The following CA12 variants were observed in gnomAD, a reference collection of about 807,000 sequenced individuals.
The protein encoded by CA12 is carbonic anhydrase 12.
A neutral mutation model predicts 46.8 loss-of-function variants in CA12; 36 were observed. That is an observed-to-expected ratio of 0.77 (90% CI 0.59 to 1.02). The LOEUF is 1.02. Ranked by LOEUF, CA12 falls within the 50% of genes least tolerant of loss-of-function variation. CA12 has a pLI of 0.00. For missense variants in CA12, 436 were observed against 451.4 expected (o/e 0.97, Z 0.31); for synonymous variants, 202 against 187.0 (o/e 1.08, Z -0.65).
At chr15:63,362,737 C>G (rs780690757) in intron 2 of CA12, among the ~76,000 whole-genome samples, 26 of 152,224 alleles carry the variant, frequency 1.7e-4, no homozygotes, top group Non-Finnish European at 2.9e-4. Context: ...TTTCTGATAT[C>G]TTACCTATAG....
intron 2 of CA12, chr15:63,375,339 C>G (rs2039557051): frequency 3.4e-6 from 1 of 296,602 alleles, no homozygotes; most frequent in East Asian, 7.2e-5. Flanking sequence ...TGCCCAGGAC[C>G]CTTGCAGTCC....
chr15:63,380,109 A>T (rs181611395), intron 1 of CA12, among the ~76,000 whole-genome samples: 12 of 152,270 alleles, frequency 7.9e-5, no homozygotes, highest in African/African-American at 2.6e-4. Context: ...GCAGTTAAAA[A>T]CCCAAGGAAA....
At chr15:63,350,016 T>G (rs1238276766) in intron 2 of CA12, among the ~76,000 whole-genome samples, 1 of 152,196 alleles carries the variant, frequency 6.6e-6, no homozygotes, top group African/African-American at 2.4e-5. Flanking sequence ...CTTACCTGTG[T>G]GCAAATGGTT....
At chr15:63,333,473 C>G (rs1322382689) in intron 8 of CA12, among the ~76,000 whole-genome samples, 1 of 152,206 alleles carries the variant, frequency 6.6e-6, no homozygotes, top group Non-Finnish European at 1.5e-5. Context: ...CACCTTGGAC[C>G]AATGCTCCTG....
rs1421377019 is a variant in CA12 at position 63,348,026 on chromosome 15, G to C, written c.107-1317C>G. ...TCTAACTAGGGGACCGTATCTGAGA[G>C]TGGGAAGAATCCGAAGTGATACTTG... is the stretch of plus-strand genomic sequence containing the variant. On this transcript the variant is annotated intron_variant, in intron 2 of 10. Transcript: ENST00000178638. The surrounding 1 kb of genome is among the most constrained non-coding windows in gnomAD (Gnocchi z 4.6). Among the ~76,000 whole-genome samples the C allele has an allele frequency of 6.6e-6, 1 of 152,200 alleles. No homozygotes were observed.
rs1344826553 is a variant in CA12 at position 63,335,236 on chromosome 15, G to C, written c.874+3583C>G. 3.3e-5 allele frequency among the ~76,000 whole-genome samples: 5 copies of C among 152,180 alleles called. No homozygotes were observed. The East Asian group carries it at 9.6e-4, about 29-fold the overall frequency. On this transcript the variant is annotated intron_variant, in intron 8 of 10. Coordinates refer to ENST00000178638, the MANE Select transcript of CA12 (RefSeq NM_001218.5). ...CTGTAAGAATTATCCTGCCTAAGTTGTCAGTAGTGCTAAGGTTGAGAAACT... is the reference window on the plus strand; with the variant it reads ...CTGTAAGAATTATCCTGCCTAAGTTCTCAGTAGTGCTAAGGTTGAGAAACT...
At chr15:63,352,565 T>C (rs1449468423) in intron 2 of CA12, among the ~76,000 whole-genome samples, 1 of 152,188 alleles carries the variant, frequency 6.6e-6, no homozygotes, top group African/African-American at 2.4e-5. Flanking sequence ...TGGACCCCCC[T>C]GTGTCTGTGT....
In CA12 at chr15:63,363,388, C is replaced by T. The variant is rs539131596; in HGVS notation, c.106+12270G>A. Among the ~76,000 whole-genome samples the T allele has an allele frequency of 4.6e-5, 7 of 152,310 alleles. No individual in the cohort carries two copies. The East Asian group carries it at 1.4e-3, about 29-fold the overall frequency. On this transcript the variant is annotated intron_variant, in intron 2 of 10. Coordinates refer to ENST00000178638, the MANE Select transcript of CA12 (RefSeq NM_001218.5). ...TTAATAGAGAAATAACCCATTCTTT[C>T]CTCAATCATCAACAAGTGTTTCCTG...
At chr15:63,358,963 G>A (rs1336987440) in intron 2 of CA12, among the ~76,000 whole-genome samples, 1 of 151,846 alleles carries the variant, frequency 6.6e-6, no homozygotes, top group Non-Finnish European at 1.5e-5. Flanking sequence ...CTGTTTCTGG[G>A]GACACTGCTT....
At chr15:63,347,209 T>C (rs769699792) in intron 2 of CA12, among the ~76,000 whole-genome samples, 11 of 152,212 alleles carry the variant, frequency 7.2e-5, no homozygotes, top group Non-Finnish European at 1.3e-4. Flanking sequence ...TGCCAAGTAT[T>C]ATCTTGGTGC....
In CA12 at chr15:63,330,738, A is replaced by T. The variant is rs1430558601; in HGVS notation, c.875-2608T>A. 1.3e-5 allele frequency among the ~76,000 whole-genome samples: 2 copies of T among 152,010 alleles called. No individual in the cohort carries two copies. Among genetic ancestry groups the T allele is most frequent in the Non-Finnish European group, 2.9e-5 (2 of 67,992 alleles). On this transcript the variant is annotated intron_variant, in intron 8 of 10. Transcript: ENST00000178638. This position sits in a 1 kb window ranked among gnomAD's most constrained non-coding sequence, Gnocchi z 4.0. ...TGCGTGGTGGCTTCTCTGGAGGGAG[A>T]GTCTGGCTTCCCCCGGTTATTACGC...
At position 63,373,334 on chromosome 15, in the gene CA12, C is replaced by T. The variant is rs2039530089; in HGVS notation, c.106+2324G>A. On this transcript the variant is annotated intron_variant, in intron 2 of 10. Transcript: ENST00000178638. This position sits in a 1 kb window ranked among gnomAD's most constrained non-coding sequence, Gnocchi z 4.9. ...GAGCCAAGATCACGCCACTGCACTC[C>T]ACCCTGGGTGAGAATGAGACTCCAA... Among the ~76,000 whole-genome samples the T allele has an allele frequency of 6.6e-6, 1 of 150,568 alleles. No individual in the cohort carries two copies. The highest frequency in any genetic ancestry group is 1.5e-5 in the Non-Finnish European group (1 of 67,834).
intron 2 of CA12, among the ~76,000 whole-genome samples, chr15:63,353,270 C>A (rs763115454): frequency 6.6e-6 from 1 of 151,996 alleles, no homozygotes; most frequent in African/African-American, 2.4e-5. Flanking sequence ...GAGGAGGCGC[C>A]GTTAAAGCTG....
chr15:63,347,231 C>A (rs189537925), intron 2 of CA12, among the ~76,000 whole-genome samples: 5 of 152,292 alleles, frequency 3.3e-5, no homozygotes, highest in Admixed American at 2.6e-4. Flanking sequence ...AAAATAATTG[C>A]GGTTTTTGCC....
rs1555428955 is a variant in CA12 at position 63,328,137 on chromosome 15, AG to A, written c.875-8del. ...GCCGCAGTACAGACTTGCACTTAAA[AG>A]GGGAGAGGAAAAGACGAGGTTACTC... On this transcript the variant is annotated splice_region_variant and splice_polypyrimidine_tract_variant and intron_variant, in intron 8 of 10. Transcript: ENST00000178638. The surrounding 1 kb of genome is among the most constrained non-coding windows in gnomAD (Gnocchi z 5.9). The A allele has an allele frequency of 6.2e-7, 1 of 1,613,674 alleles. No homozygotes were observed. The highest frequency in any genetic ancestry group is 8.5e-7 in the Non-Finnish European group (1 of 1,179,652).
At position 63,326,061 on chromosome 15, in the gene CA12, C is replaced by A; in HGVS notation, c.*224G>T. ...CAGTTACAGCAAGCAGCTTTGAATT[C>A]CTGCTGCTTGGTCTGAGAGTGCATC... On this transcript the variant is annotated 3_prime_UTR_variant, in exon 11 of 11. Transcript: ENST00000178638. 1.8e-6 allele frequency: 1 copy of A among 565,658 alleles called. No individual in the cohort carries two copies. 35.0% of individuals were successfully genotyped at this position (565,658 alleles called of 1,614,324 possible).
chr15:63,366,016 C>T (rs1031239153), intron 2 of CA12, among the ~76,000 whole-genome samples: 1 of 151,948 alleles, frequency 6.6e-6, no homozygotes, highest in African/African-American at 2.4e-5. Flanking sequence ...TGGCGTGTGC[C>T]TGTAGTCCCA....
chr15:63,334,242 C>CTTTTTTTTT lies in CA12; in HGVS notation c.874+4568_874+4576dup, dbSNP rs71131163. 8.5e-4 allele frequency among the ~76,000 whole-genome samples: 55 copies of CTTTTTTTTT among 64,964 alleles called. 10 individuals carry two copies. Among genetic ancestry groups the CTTTTTTTTT allele is most frequent in the African/African-American group, 3.9e-3 (54 of 13,824 alleles). The allele number at this position is 64,964 out of a possible 152,430, so 42.6% of individuals were successfully genotyped here. ...TTCCAACTGCCACTTGGAAGAGGCA[C>CTTTTTTTTT]TTTTTTTTTTTTTTTTTTTTTTTTT... is the stretch of plus-strand genomic sequence containing the variant. On this transcript the variant is annotated intron_variant, in intron 8 of 10. Coordinates refer to ENST00000178638, the MANE Select transcript of CA12 (RefSeq NM_001218.5).
chr15:63,326,095 C>A lies in CA12; in HGVS notation c.*190G>T. The A allele has an allele frequency of 1.6e-6, 1 of 610,764 alleles. No individual in the cohort carries two copies. The highest frequency in any genetic ancestry group is 2.8e-5 in the East Asian group (1 of 35,124). 37.8% of individuals were successfully genotyped at this position (610,764 alleles called of 1,614,324 possible). ...TGGTCTGAGAGTGCATCCCATCCAT[C>A]GATCGGATGGCTCTGGGGTGGCCAT... On this transcript the variant is annotated 3_prime_UTR_variant, in exon 11 of 11. Transcript: ENST00000178638.
Sources: gnomAD v4.1 joint callset for allele counts (sites outside exome capture counted in the v4.1 genomes callset) on GRCh38, gnomAD v4.1.1 for gene constraint, Gnocchi (gnomAD v3.1) non-coding constraint, MANE v1.5 for transcripts, NCBI Gene and HGNC (gene_info 2026-07-23, HGNC 2026-07-21) for gene names.